Variants in GABRA3 observed in about 807,000 individuals in gnomAD.
GABRA3 encodes the protein gamma-aminobutyric acid receptor subunit alpha-3.
In GABRA3, 10 loss-of-function variants were observed where a neutral mutation model predicts 30.1. The observed-to-expected ratio is 0.33, with a 90% confidence interval of 0.20 to 0.56. The LOEUF (loss-of-function observed/expected upper bound fraction) is 0.56, where lower values mean the gene tolerates loss of function less well. GABRA3 is among the 20% of genes least tolerant of loss of function. The pLI, the probability that GABRA3 is intolerant of heterozygous loss-of-function variation, is 0.89. For synonymous variants in GABRA3, 151 were observed against 146.8 expected (o/e 1.03, Z -0.21); for missense variants, 233 against 392.0 (o/e 0.59, Z 3.42).
intron 7 of GABRA3, among the ~76,000 whole-genome samples, chrX:152,203,843 T>C (rs1308546016): frequency 1.8e-5 from 2 of 111,635 alleles, no homozygotes; most frequent in Non-Finnish European, 3.8e-5. Flanking sequence ...TCCAGAATAA[T>C]CTATTTTGAA....
At chrX:152,258,612 C>A (rs1443146530) in intron 4 of GABRA3, among the ~76,000 whole-genome samples, 2 of 111,399 alleles carry the variant, frequency 1.8e-5, no homozygotes, top group Non-Finnish European at 3.8e-5. Context: ...CAATAGATCC[C>A]AGCCAGTACA....
chrX:152,316,776 G>A (rs1180663789), intron 3 of GABRA3, among the ~76,000 whole-genome samples: 1 of 111,691 alleles, frequency 9.0e-6, no homozygotes, highest in Non-Finnish European at 1.9e-5. Context: ...ATAAATGAAG[G>A]AAAGATACAG....
chrX:152,432,463 A>T (rs949787505), intron 1 of GABRA3, among the ~76,000 whole-genome samples: 4 of 111,935 alleles, frequency 3.6e-5, no homozygotes, highest in African/African-American at 1.3e-4. Context: ...ACTTGTTCAA[A>T]ATCATAAAAG....
intron 1 of GABRA3, among the ~76,000 whole-genome samples, chrX:152,441,376 T>C (rs972710915): frequency 1.8e-5 from 2 of 112,100 alleles, no homozygotes; most frequent in South Asian, 3.7e-4. Flanking sequence ...AACATATTCA[T>C]GAATAGGAAA....
chrX:152,232,208 T>C (rs753774529), intron 5 of GABRA3, among the ~76,000 whole-genome samples: 1 of 111,585 alleles, frequency 9.0e-6, no homozygotes. Context: ...TAGCACAGTG[T>C]TTAAGAGCAT....
intron 2 of GABRA3, among the ~76,000 whole-genome samples, chrX:152,352,175 AC>A (rs1292664279): frequency 1.9e-4 from 21 of 111,225 alleles, no homozygotes; most frequent in African/African-American, 6.2e-4. Flanking sequence ...CTCACTCAAC[AC>A]AGGGTTGCCA....
intron 6 of GABRA3, among the ~76,000 whole-genome samples, chrX:152,215,359 G>T (rs187228139): frequency 2.1e-4 from 23 of 110,886 alleles, no homozygotes; most frequent in Non-Finnish European, 4.0e-4. Context: ...TTAGTTAAGA[G>T]CTTTCATCAG....
chrX:152,408,996 T>C (rs1196202002), intron 1 of GABRA3, among the ~76,000 whole-genome samples: 1 of 111,726 alleles, frequency 9.0e-6, no homozygotes, highest in African/African-American at 3.3e-5. Flanking sequence ...TATATGTTGC[T>C]GAGAAAACTG....
chrX:152,446,004 A>G (rs1931077495), intron 1 of GABRA3, among the ~76,000 whole-genome samples: 1 of 112,255 alleles, frequency 8.9e-6, no homozygotes, highest in Non-Finnish European at 1.9e-5. Flanking sequence ...AAGCTACATG[A>G]CATATAACCT....
chrX:152,307,987 C>T (rs1939745103), intron 3 of GABRA3, among the ~76,000 whole-genome samples: 1 of 112,559 alleles, frequency 8.9e-6, no homozygotes, highest in Admixed American at 9.3e-5. Flanking sequence ...TCCACCAAAG[C>T]TTGCCACACT....
At chrX:152,308,983 T>C (rs1448668637) in intron 3 of GABRA3, among the ~76,000 whole-genome samples, 2 of 112,390 alleles carry the variant, frequency 1.8e-5, no homozygotes, top group Non-Finnish European at 3.8e-5. Flanking sequence ...TGTAAGAATT[T>C]TGTAATACAG....
chrX:152,419,080 G>C (rs1222127833), intron 1 of GABRA3, among the ~76,000 whole-genome samples: 1 of 109,022 alleles, frequency 9.2e-6, no homozygotes, highest in Admixed American at 9.9e-5. Flanking sequence ...TCATAGGTGG[G>C]AATTGAACAA....
Position 152,295,683 on chromosome X carries a change from G to A in GABRA3, c.263-10948C>T, listed in dbSNP as rs901537543. On this transcript the variant is annotated intron_variant, in intron 3 of 9. Transcript: ENST00000370314. Reference sequence around the variant, plus strand: ...GAGGCAATGCTCCGCCCTGTTTCGGGTCACCCTCCATGGGCTGCACCCACT... The same window carrying A: ...GAGGCAATGCTCCGCCCTGTTTCGGATCACCCTCCATGGGCTGCACCCACT... Among the ~76,000 whole-genome samples the A allele has an allele frequency of 4.5e-5, 5 of 112,351 alleles. No individual in the cohort carries two copies. The South Asian group carries it at 1.1e-3, about 25-fold the overall frequency.
chrX:152,431,935 C>T (rs978445768), intron 1 of GABRA3, among the ~76,000 whole-genome samples: 1 of 111,785 alleles, frequency 8.9e-6, no homozygotes, highest in African/African-American at 3.2e-5. Flanking sequence ...CCCTGGAAAA[C>T]CTGCAAAACT....
At chrX:152,251,642 T>C (rs998710773) in intron 5 of GABRA3, among the ~76,000 whole-genome samples, 1 of 110,558 alleles carries the variant, frequency 9.0e-6, no homozygotes, top group Non-Finnish European at 1.9e-5. Context: ...TGTCCCTCCA[T>C]CCACCTCATT....
intron 1 of GABRA3, among the ~76,000 whole-genome samples, chrX:152,390,080 G>T (rs1000689183): frequency 8.9e-6 from 1 of 111,870 alleles, no homozygotes; most frequent in African/African-American, 3.2e-5. Context: ...AAATAGCAAT[G>T]TGGTATGAAC....
chrX:152,238,204 G>C (rs1435829467), intron 5 of GABRA3, among the ~76,000 whole-genome samples: 4 of 102,540 alleles, frequency 3.9e-5, no homozygotes, highest in Non-Finnish European at 7.7e-5. Context: ...TATCATGAAG[G>C]GTTGTTGAAT....
intron 9 of GABRA3, among the ~76,000 whole-genome samples, chrX:152,182,738 C>T (rs375070163): frequency 0.029 from 180 of 6,287 alleles, no homozygotes; most frequent in Middle Eastern, 0.14. Context: ...TGTATATATA[C>T]ACTATATATA....
intron 6 of GABRA3, among the ~76,000 whole-genome samples, chrX:152,223,424 T>C (rs1418907221): frequency 9.0e-6 from 1 of 111,559 alleles, no homozygotes; most frequent in Non-Finnish European, 1.9e-5. Flanking sequence ...ATGCCATTCT[T>C]TTGTCTAAAA....
Sources: gnomAD v4.1 joint callset for allele counts (sites outside exome capture counted in the v4.1 genomes callset) on GRCh38, gnomAD v4.1.1 for gene constraint, MANE v1.5 for transcripts, NCBI Gene and HGNC (gene_info 2026-07-23, HGNC 2026-07-21) for gene names.